PIP5K1C: variants seen among roughly 807,000 people sequenced by gnomAD.
PIP5K1C encodes phosphatidylinositol 4-phosphate 5-kinase type-1 gamma.
A neutral mutation model predicts 80.1 loss-of-function variants in PIP5K1C; 45 were observed. That is an observed-to-expected ratio of 0.56 (90% CI 0.44 to 0.72). PIP5K1C has a LOEUF of 0.72. PIP5K1C is among the 30% of genes least tolerant of loss of function. The probability of loss-of-function intolerance (pLI) is 0.00; values close to 1 mark genes in which losing one functional copy is unlikely to be tolerated. For synonymous variants in PIP5K1C, 498 were observed against 420.1 expected (o/e 1.19, Z -2.27); for missense variants, 753 against 954.6 (o/e 0.79, Z 2.78).
At chr19:3,647,751 A>G (rs1251768976) in intron 9 of PIP5K1C, among the ~76,000 whole-genome samples, 1 of 152,198 alleles carries the variant, frequency 6.6e-6, no homozygotes, top group Non-Finnish European at 1.5e-5. Flanking sequence ...GTTCAAGACC[A>G]GCCTGGCCAA....
chr19:3,663,880 C>T (rs1308083020), intron 3 of PIP5K1C, among the ~76,000 whole-genome samples: 3 of 152,166 alleles, frequency 2.0e-5, no homozygotes, highest in Admixed American at 1.3e-4. Context: ...GGTGTCTGCC[C>T]GAGACAAACG....
intron 16 of PIP5K1C, chr19:3,636,582 G>A (rs1177858463): frequency 9.1e-6 from 9 of 985,492 alleles, no homozygotes; most frequent in Non-Finnish European, 1.1e-5. Context: ...AGGCCCCTCT[G>A]GGCAGCTCCT....
rs1404339451 is a variant in PIP5K1C, at chr19:3,692,219, C to T, written c.94+8078G>A. On this transcript the variant is annotated intron_variant, in intron 1 of 17. Coordinates refer to ENST00000335312, the MANE Select transcript of PIP5K1C (RefSeq NM_012398.3). The surrounding 1 kb of genome is among the most constrained non-coding windows in gnomAD (Gnocchi z 5.2). ...CGGCTGGGCAACCGAACCCAATCAT[C>T]TCAGCTGTCCTCCTGCCAACAGCAC... Among the ~76,000 whole-genome samples the T allele has an allele frequency of 6.6e-6, 1 of 152,168 alleles. No homozygotes were observed. The highest frequency in any genetic ancestry group is 1.5e-5 in the Non-Finnish European group (1 of 68,012).
At chr19:3,633,737 G>C (rs1426576497) in intron 16 of PIP5K1C, among the ~76,000 whole-genome samples, 1 of 152,136 alleles carries the variant, frequency 6.6e-6, no homozygotes. Context: ...GCGGGGCGGG[G>C]CACGGCGGGC....
intron 8 of PIP5K1C, chr19:3,650,084 C>A (rs569706944): frequency 6.4e-4 from 101 of 158,342 alleles, no homozygotes; most frequent in Admixed American, 2.0e-3. Context: ...CGCACCCCCC[C>A]GCAGCTACAC....
At chr19:3,651,359 A>T (rs1293935183) in intron 8 of PIP5K1C, among the ~76,000 whole-genome samples, 2 of 152,144 alleles carry the variant, frequency 1.3e-5, no homozygotes, top group Non-Finnish European at 1.5e-5. Context: ...CCCAGCCAGC[A>T]GCTGCTTTGA....
At position 3,667,876 on chromosome 19, in the gene PIP5K1C, AGGCCCCCG is replaced by A. The variant is rs913233860; in HGVS notation, c.95-531_95-524del. 1.2e-3 allele frequency among the ~76,000 whole-genome samples: 183 copies of A among 152,252 alleles called. 1 individual carries two copies. Among genetic ancestry groups the A allele is most frequent in the African/African-American group, 4.2e-3 (176 of 41,578 alleles). Reference sequence around the variant, plus strand: ...GCCAGCGTGGGGAGTGAGGGGGGGCAGGCCCCCGCTGGGGCGAGGGCAGGCTGGAGTTG... The same window carrying A: ...GCCAGCGTGGGGAGTGAGGGGGGGCACTGGGGCGAGGGCAGGCTGGAGTTG... On this transcript the variant is annotated intron_variant, in intron 1 of 17. Coordinates refer to ENST00000335312, the MANE Select transcript of PIP5K1C (RefSeq NM_012398.3).
chr19:3,646,434 T>C (rs1242191798), intron 10 of PIP5K1C, among the ~76,000 whole-genome samples: 1 of 152,148 alleles, frequency 6.6e-6, no homozygotes, highest in Non-Finnish European at 1.5e-5. Flanking sequence ...CCTCCCAGAA[T>C]GCAACCTCCT....
In PIP5K1C at chr19:3,638,101, CA is replaced by C. The variant is rs2033783846; in HGVS notation, c.1920+782del. On this transcript the variant is annotated intron_variant, in intron 16 of 17. Transcript: ENST00000335312. ...GGTGCCCGTGCCCAGCCCTCCTTCC[CA>C]GGGGGTGCAGGGTGAGAACAAACCA... 1.1e-5 allele frequency: 16 copies of C among 1,398,066 alleles called. No homozygotes were observed. In the South Asian group the frequency reaches 2.2e-4, roughly 19 times the overall value. The allele number at this position is 1,398,066 out of a possible 1,614,324, so 86.6% of individuals were successfully genotyped here.
intron 2 of PIP5K1C, among the ~76,000 whole-genome samples, chr19:3,665,145 C>T (rs538865254): frequency 1.3e-5 from 2 of 152,308 alleles, no homozygotes; most frequent in South Asian, 2.1e-4. Context: ...CAGAAGCGCT[C>T]ACTCCAAGGT....
In PIP5K1C at chr19:3,700,259, G is replaced by GA. The variant is rs929293195; in HGVS notation, c.94+37_94+38insT. The GA allele has an allele frequency of 6.2e-4, 706 of 1,135,606 alleles. 2 individuals carry two copies. The highest frequency in any genetic ancestry group is 9.1e-4 in the Admixed American group (22 of 24,048). The allele number at this position is 1,135,606 out of a possible 1,614,324, so 70.3% of individuals were successfully genotyped here. The stretch of plus-strand genomic sequence containing the variant: ...CCCGCGACTCTCGGCGCTCGGACGA[G>GA]CCCAGCGGGCCGCAGCCCCGGGAGG... On this transcript the variant is annotated intron_variant, in intron 1 of 17. Transcript: ENST00000335312.
intron 1 of PIP5K1C, among the ~76,000 whole-genome samples, chr19:3,694,211 CAAA>C (rs1175485721): frequency 5.2e-5 from 3 of 57,480 alleles, no homozygotes; most frequent in Non-Finnish European, 7.0e-5. Context: ...GACTCCATCT[CAAA>C]AAAAAAAAAA....
intron 17 of PIP5K1C, 117 bp downstream of exon 17, chr19:3,633,320 G>A (rs1329847554): frequency 4.0e-6 from 3 of 751,852 alleles, no homozygotes; most frequent in Non-Finnish European, 6.5e-6. Flanking sequence ...GGAGCTCTGG[G>A]CCACCTGTGC....
At chr19:3,668,080 C>T (rs968768151) in intron 1 of PIP5K1C, among the ~76,000 whole-genome samples, 1 of 151,876 alleles carries the variant, frequency 6.6e-6, no homozygotes, top group Admixed American at 6.5e-5. Flanking sequence ...CTCCGGTCAG[C>T]GCAGCAGGGC....
intron 7 of PIP5K1C, among the ~76,000 whole-genome samples, chr19:3,652,514 G>A (rs942132586): frequency 6.6e-6 from 1 of 152,180 alleles, no homozygotes; most frequent in Non-Finnish European, 1.5e-5. Context: ...CAGCAGCGGG[G>A]CCTGGGTGGA....
At chr19:3,643,017 C>A (rs1165795717) in intron 13 of PIP5K1C, 78 bp from the exon 14 acceptor site, 2 of 1,543,050 alleles carry the variant, frequency 1.3e-6, no homozygotes, top group African/African-American at 1.4e-5. Flanking sequence ...TGCCTACCCG[C>A]CTGCCTACCT....
At chr19:3,683,106 G>A (rs2035640376) in intron 1 of PIP5K1C, among the ~76,000 whole-genome samples, 1 of 152,064 alleles carries the variant, frequency 6.6e-6, no homozygotes, top group African/African-American at 2.4e-5. Context: ...CCTCCTCAGA[G>A]AGTCCCCTCC....
At chr19:3,670,487 C>T (rs2035171198) in intron 1 of PIP5K1C, among the ~76,000 whole-genome samples, 1 of 152,198 alleles carries the variant, frequency 6.6e-6, no homozygotes, top group Non-Finnish European at 1.5e-5. Flanking sequence ...GGGTGTGGAG[C>T]TTCTCCGAGG....
At chr19:3,677,478 G>A (rs1223449093) in intron 1 of PIP5K1C, among the ~76,000 whole-genome samples, 2 of 151,900 alleles carry the variant, frequency 1.3e-5, no homozygotes, top group African/African-American at 4.8e-5. Flanking sequence ...AGCTACTTGG[G>A]AGGCGGAGGC....
Sources: allele counts gnomAD v4.1 joint callset (sites outside exome capture counted in the v4.1 genomes callset), GRCh38; gene constraint gnomAD v4.1.1; non-coding constraint Gnocchi (gnomAD v3.1); transcripts MANE v1.5; gene names NCBI Gene and HGNC (gene_info 2026-07-23, HGNC 2026-07-21).